Variants in ENOX1 observed in about 807,000 individuals in gnomAD.
ENOX1 encodes the protein candidate growth-related and time keeping constitutive hydroquinone (NADH) oxidase.
In ENOX1, 42 loss-of-function variants were observed where a neutral mutation model predicts 82.5. The observed-to-expected ratio is 0.51, with a 90% CI of 0.40 to 0.66. ENOX1 has a LOEUF of 0.66. ENOX1 is among the 30% of genes least tolerant of loss of function. ENOX1 has a pLI of 0.00. For synonymous variants in ENOX1, 271 were observed against 282.2 expected, an observed-to-expected ratio of 0.96 and a Z score of 0.40; for missense variants, 608 against 811.6, an observed-to-expected ratio of 0.75 and a Z score of 3.05.
Position 43,376,924 on chromosome 13 carries a change from G to A in ENOX1, c.209-15472C>T, listed in dbSNP as rs148067608. On this transcript the variant is annotated intron_variant, in intron 5 of 16. Transcript: ENST00000690772. ...CCTCCACACCTTGCTTGGCTGGCCT[G>A]CCTTGCACTGGCCTCACCTGTGACC... is the stretch of plus-strand genomic sequence containing the variant. Among the ~76,000 whole-genome samples, 19 of 152,286 alleles carry A rather than the reference G, an allele frequency of 1.2e-4. No individual in the cohort carries two copies. In the East Asian group the frequency reaches 3.7e-3, roughly 29 times the overall value.
At position 43,271,467 on chromosome 13, in the gene ENOX1, A is replaced by G. The variant is rs1056153080; in HGVS notation, c.1447-1890T>C. ...CATGTATCTTTCTTTTTTGCTTGTC[A>G]GTTTTCTGGTATATCTGTAACACAT... On this transcript the variant is annotated intron_variant, in intron 12 of 16. Coordinates refer to ENST00000690772, the MANE Select transcript of ENOX1 (RefSeq NM_001347969.2). Among the ~76,000 whole-genome samples, 17 of 152,180 alleles carry G rather than the reference A, an allele frequency of 1.1e-4. 1 individual carries two copies. In the South Asian group the frequency reaches 1.5e-3, roughly 13 times the overall value.
At chr13:43,750,007 A>G (rs914335306) in intron 1 of ENOX1, among the ~76,000 whole-genome samples, 3 of 152,204 alleles carry the variant, frequency 2.0e-5, no homozygotes, top group African/African-American at 7.2e-5. Flanking sequence ...AAAAATGCAA[A>G]TGCTGGCTGG....
chr13:43,489,245 C>A (rs1464890958), intron 2 of ENOX1, among the ~76,000 whole-genome samples: 1 of 152,070 alleles, frequency 6.6e-6, no homozygotes, highest in Non-Finnish European at 1.5e-5. Flanking sequence ...CCCAGGGTGC[C>A]TGGGGGATCT....
chr13:43,538,831 C>G (rs951030583), intron 2 of ENOX1, among the ~76,000 whole-genome samples: 35 of 152,012 alleles, frequency 2.3e-4, no homozygotes, highest in African/African-American at 4.8e-4. Flanking sequence ...TCCTCCCCGC[C>G]CCTGCCCTTT....
chr13:43,474,236 A>G (rs2058187892), intron 3 of ENOX1, among the ~76,000 whole-genome samples: 1 of 152,070 alleles, frequency 6.6e-6, no homozygotes, highest in Non-Finnish European at 1.5e-5. Context: ...GAACAAGCTT[A>G]TATTATTGGA....
chr13:43,514,224 T>G (rs2077476295), intron 2 of ENOX1, among the ~76,000 whole-genome samples: 1 of 152,222 alleles, frequency 6.6e-6, no homozygotes, highest in South Asian at 2.1e-4. Flanking sequence ...ATATCTTTAA[T>G]GTGTAATTGA....
intron 1 of ENOX1, among the ~76,000 whole-genome samples, chr13:43,785,226 C>G (rs542922006): frequency 7.9e-5 from 12 of 152,272 alleles, no homozygotes; most frequent in African/African-American, 2.6e-4. Flanking sequence ...TAACCATAAA[C>G]TAAGTACCAG....
chr13:43,609,154 G>C (rs990008023), intron 2 of ENOX1, among the ~76,000 whole-genome samples: 1 of 152,058 alleles, frequency 6.6e-6, no homozygotes, highest in Non-Finnish European at 1.5e-5. Flanking sequence ...GTCTTTTTAC[G>C]ATCAGGTGGA....
Position 43,367,649 on chromosome 13 carries a change from G to A in ENOX1, c.209-6197C>T, listed in dbSNP as rs182952333. On this transcript the variant is annotated intron_variant, in intron 5 of 16. Coordinates refer to ENST00000690772, the MANE Select transcript of ENOX1 (RefSeq NM_001347969.2). ...TTTCAGACTTTTGGCCCCCAGAACT[G>A]CAAGACAATATGTTTCTGTTATTTT... 1.1e-4 allele frequency among the ~76,000 whole-genome samples: 17 copies of A among 150,492 alleles called. No individual in the cohort carries two copies. The East Asian group carries it at 3.3e-3, about 30-fold the overall frequency.
At chr13:43,756,242 T>C (rs1950630308) in intron 1 of ENOX1, among the ~76,000 whole-genome samples, 1 of 151,812 alleles carries the variant, frequency 6.6e-6, no homozygotes, top group Non-Finnish European at 1.5e-5. Flanking sequence ...GCCTGGACAC[T>C]ATGGCAAAAC....
At chr13:43,653,219 G>A (rs116323935) in intron 2 of ENOX1, among the ~76,000 whole-genome samples, 8,837 of 152,278 alleles carry the variant, frequency 0.058, 869 homozygotes, top group African/African-American at 0.2. Context: ...TCATGCTACA[G>A]AAACATGTAT....
At chr13:43,636,807 A>G (rs769137001) in intron 2 of ENOX1, among the ~76,000 whole-genome samples, 18 of 152,166 alleles carry the variant, frequency 1.2e-4, no homozygotes, top group Non-Finnish European at 1.9e-4. Flanking sequence ...ATCAATCACT[A>G]GCAAAGAAGG....
At chr13:43,760,483 C>T (rs190199729) in intron 1 of ENOX1, among the ~76,000 whole-genome samples, 58 of 152,218 alleles carry the variant, frequency 3.8e-4, no homozygotes, top group African/African-American at 1.2e-3. Flanking sequence ...TGCCCTCCCC[C>T]GAATGCCTGG....
chr13:43,349,495 C>T (rs1430184029), intron 8 of ENOX1, among the ~76,000 whole-genome samples: 1 of 152,114 alleles, frequency 6.6e-6, no homozygotes, highest in Non-Finnish European at 1.5e-5. Context: ...CTTTGTTAAC[C>T]CCCTTCCTTC....
chr13:43,484,545 G>T (rs966844398), intron 2 of ENOX1, among the ~76,000 whole-genome samples: 1 of 152,140 alleles, frequency 6.6e-6, no homozygotes, highest in Non-Finnish European at 1.5e-5. Flanking sequence ...AAAAGTATTG[G>T]CTCCATTTTA....
At chr13:43,334,699 A>G (rs1462643061) in intron 9 of ENOX1, among the ~76,000 whole-genome samples, 1 of 152,190 alleles carries the variant, frequency 6.6e-6, no homozygotes, top group African/African-American at 2.4e-5. Context: ...CATGAGCCAC[A>G]GTGCAGAAGA....
chr13:43,295,856 C>G (rs900002263), intron 12 of ENOX1, among the ~76,000 whole-genome samples: 1 of 152,196 alleles, frequency 6.6e-6, no homozygotes, highest in Non-Finnish European at 1.5e-5. Flanking sequence ...TTTTAAAACT[C>G]TGTAAAAGAT....
At chr13:43,677,972 C>T (rs2085593839) in intron 1 of ENOX1, among the ~76,000 whole-genome samples, 3 of 152,196 alleles carry the variant, frequency 2.0e-5, no homozygotes, top group African/African-American at 7.2e-5. Flanking sequence ...CTATTCTCTA[C>T]ATTTCACTAA....
chr13:43,496,786 C>T (rs1006293849), intron 2 of ENOX1, among the ~76,000 whole-genome samples: 2 of 152,058 alleles, frequency 1.3e-5, no homozygotes, highest in Non-Finnish European at 2.9e-5. Context: ...ATATTCTGTT[C>T]CATTGATCTA....
Sources: allele counts gnomAD v4.1 joint callset (sites outside exome capture counted in the v4.1 genomes callset), GRCh38; gene constraint gnomAD v4.1.1; transcripts MANE v1.5; gene names NCBI Gene and HGNC (gene_info 2026-07-23, HGNC 2026-07-21).